The following INO80 variants were observed in gnomAD, a reference collection of about 807,000 sequenced individuals.
INO80 encodes the protein chromatin-remodeling ATPase INO80.
In INO80, 20 loss-of-function variants were observed where a neutral mutation model predicts 203.4. That is an observed-to-expected ratio of 0.10 (90% CI 0.07 to 0.14). INO80 has a LOEUF of 0.14. INO80 is among the 10% of genes least tolerant of loss of function. The pLI is 1.00. For synonymous variants in INO80, 726 were observed against 685.2 expected, an observed-to-expected ratio of 1.06 and a Z score of -0.93; for missense variants, 1,419 against 1,914.4, an observed-to-expected ratio of 0.74 and a Z score of 4.83.
intron 27 of INO80, among the ~76,000 whole-genome samples, chr15:41,013,932 T>C (rs1566911029): frequency 6.6e-6 from 1 of 152,174 alleles, no homozygotes; most frequent in Non-Finnish European, 1.5e-5. Context: ...AGCTGCTTGT[T>C]TGCAAAACCT....
At chr15:41,021,776 G>T (rs1457868611) in intron 25 of INO80, among the ~76,000 whole-genome samples, 1 of 152,162 alleles carries the variant, frequency 6.6e-6, no homozygotes, top group East Asian at 1.9e-4. Flanking sequence ...TTGGCCAAAG[G>T]CTATACACAA....
intron 6 of INO80, among the ~76,000 whole-genome samples, chr15:41,087,174 T>C (rs997521838): frequency 6.6e-6 from 1 of 152,140 alleles, no homozygotes; most frequent in East Asian, 1.9e-4. Flanking sequence ...ACTGAATATG[T>C]ACAAACTTTT....
intron 17 of INO80, among the ~76,000 whole-genome samples, 196 bp from the exon 18 acceptor site, chr15:41,055,560 C>T (rs2044967677): frequency 6.6e-6 from 1 of 152,182 alleles, no homozygotes; most frequent in Admixed American, 6.6e-5. Flanking sequence ...TTATTAGGTG[C>T]TGTAGCAAAA....
At chr15:41,049,773 C>T (rs2044834790) in intron 20 of INO80, among the ~76,000 whole-genome samples, 162 bp downstream of exon 20, 1 of 152,164 alleles carries the variant, frequency 6.6e-6, no homozygotes. Flanking sequence ...GTAGTCTCAG[C>T]TCCTTGGGAG....
chr15:41,047,216 C>T (rs186315684), intron 23 of INO80, among the ~76,000 whole-genome samples, 192 bp downstream of exon 23: 3 of 152,028 alleles, frequency 2.0e-5, no homozygotes, highest in East Asian at 1.9e-4. Context: ...CCACCCGCCT[C>T]GGCCTCCCAA....
chr15:41,023,124 A>G, intron 25 of INO80: 1 of 360,818 alleles, frequency 2.8e-6, no homozygotes, highest in Non-Finnish European at 5.4e-6. Flanking sequence ...AAAAAGTTAA[A>G]AAAAGAAGGA....
chr15:41,023,907 A>C (rs2044337134), intron 25 of INO80, among the ~76,000 whole-genome samples: 1 of 151,876 alleles, frequency 6.6e-6, no homozygotes, highest in South Asian at 2.1e-4. Context: ...TTTTGTAAAA[A>C]AGCAGAACTT....
In INO80 at chr15:41,070,495, C is replaced by G; in HGVS notation, c.1658G>C (p.Ser553Thr). 6.2e-7 allele frequency: 1 copy of G among 1,614,110 alleles called. No homozygotes were observed. The highest frequency in any genetic ancestry group is 8.5e-7 in the Non-Finnish European group (1 of 1,179,976). ...DEMGLGKTVQ[S>T]IALLAHLAER... ...AGCCAGATGGGCCAGAAGGGCAATG[C>G]TCTGTACTGTTTTACCAAGGCCCAT... Residue 553 changes from serine (S) to threonine (T), a missense_variant, in exon 13 of 36, where the codon AGC (serine) becomes ACC (threonine). Ser to Thr is a moderately conservative substitution (Grantham distance 58, BLOSUM62 1). Coordinates refer to ENST00000648947, the MANE Select transcript of INO80 (RefSeq NM_017553.3).
chr15:40,993,862 CT>C (rs2043847388), intron 29 of INO80, among the ~76,000 whole-genome samples: 1 of 152,170 alleles, frequency 6.6e-6, no homozygotes, highest in South Asian at 2.1e-4. Context: ...GCCACTTAAC[CT>C]CTGATACTCC....
chr15:41,038,250 T>C (rs2044612749), intron 24 of INO80, among the ~76,000 whole-genome samples: 1 of 151,834 alleles, frequency 6.6e-6, no homozygotes, highest in Non-Finnish European at 1.5e-5. Flanking sequence ...CCTCAGGTGA[T>C]CCGCCCACCT....
chr15:41,086,885 A>T (rs1174170141), intron 6 of INO80, among the ~76,000 whole-genome samples: 1 of 152,158 alleles, frequency 6.6e-6, no homozygotes, highest in African/African-American at 2.4e-5. Flanking sequence ...CAAACACTTC[A>T]GGTTACTTTT....
chr15:40,985,545 T>A, intron 31 of INO80, 119 bp from the exon 32 acceptor site: 1 of 761,506 alleles, frequency 1.3e-6, no homozygotes, highest in Non-Finnish European at 2.3e-6. Context: ...TTCTATCTGT[T>A]TAAGGCAGAT....
intron 22 of INO80, among the ~76,000 whole-genome samples, chr15:41,047,871 T>C (rs2044797303): frequency 1.3e-5 from 2 of 152,286 alleles, no homozygotes. Flanking sequence ...CAAAGCTGAG[T>C]AGCTTCTTTT....
At chr15:41,071,678 CTCG>C (rs1227579860) in intron 12 of INO80, among the ~76,000 whole-genome samples, 168 bp downstream of exon 12, 1 of 151,528 alleles carries the variant, frequency 6.6e-6, no homozygotes. Context: ...TCAGGCTGGT[CTCG>C]AACTCCCAAC....
chr15:40,987,915 G>A lies in INO80; in HGVS notation c.3630C>T (p.Ala1210=), dbSNP rs767983838. The A allele has an allele frequency of 1.2e-6, 2 of 1,613,870 alleles. No individual in the cohort carries two copies. The highest frequency in any genetic ancestry group is 1.7e-6 in the Non-Finnish European group (2 of 1,179,916). The change falls in exon 30 of 36, where the codon GCC becomes GCT. Residue 1210 remains alanine, a synonymous_variant. Coordinates refer to ENST00000648947, the MANE Select transcript of INO80 (RefSeq NM_017553.3). ...PTVDQQAMDR[A]HRLGQTKQVT... ...CCTGCTTTGTCTGCCCTAAGCGGTG[G>A]GCCCTGTCCATGGCCTGCTGGTCCA...
At chr15:41,058,840 T>C (rs2045049281) in intron 15 of INO80, 59 bp from the exon 16 acceptor site, 1 of 1,531,438 alleles carries the variant, frequency 6.5e-7, no homozygotes, top group Non-Finnish European at 8.9e-7. Context: ...AATAAGGAAC[T>C]GATGTATGGA....
At chr15:41,075,275 C>CTT (rs762541888) in intron 9 of INO80, among the ~76,000 whole-genome samples, 5 of 140,808 alleles carry the variant, frequency 3.6e-5, no homozygotes, top group African/African-American at 5.2e-5. Context: ...AGAAACTTTT[C>CTT]TTTTTTTTTT....
chr15:41,025,532 T>C (rs534418522), intron 25 of INO80, among the ~76,000 whole-genome samples: 29 of 152,144 alleles, frequency 1.9e-4, no homozygotes, highest in African/African-American at 6.3e-4. Context: ...CTGGCTAACA[T>C]GGTGAAACCC....
intron 24 of INO80, among the ~76,000 whole-genome samples, chr15:41,040,532 C>A (rs2044650429): frequency 6.6e-6 from 1 of 152,116 alleles, no homozygotes; most frequent in South Asian, 2.1e-4. Context: ...TTGTTGGAGG[C>A]AAAGAATTCT....
Sources: allele counts gnomAD v4.1 joint callset (sites outside exome capture counted in the v4.1 genomes callset), GRCh38; gene constraint gnomAD v4.1.1; transcripts MANE v1.5; gene names NCBI Gene and HGNC (gene_info 2026-07-23, HGNC 2026-07-21).